PCDHGA10: variants seen among roughly 807,000 people sequenced by gnomAD.
PCDHGA10 encodes protocadherin gamma-A10.
Under a neutral mutation model 59.5 loss-of-function variants are expected in PCDHGA10, and 42 were observed. The observed-to-expected ratio is 0.71, with a 90% CI of 0.55 to 0.91. The LOEUF is 0.91. Ranked by LOEUF, PCDHGA10 falls within the 40% of genes least tolerant of loss-of-function variation. The pLI, the probability that PCDHGA10 is intolerant of heterozygous loss-of-function variation, is 0.00. For synonymous variants in PCDHGA10, 511 were observed against 517.2 expected (o/e 0.99, Z 0.16); for missense variants, 1,111 against 1,198.2 (o/e 0.93, Z 1.07).
chr5:141,417,533 A>T (rs1253836392), intron 1 of PCDHGA10: 3 of 274,888 alleles, frequency 1.1e-5, no homozygotes, highest in African/African-American at 2.2e-5. Context: ...CTCGTAGTTT[A>T]AAAAAAATTC....
chr5:141,508,077 G>T (rs1166570509), intron 3 of PCDHGA10: 1 of 152,446 alleles, frequency 6.6e-6, no homozygotes, highest in Non-Finnish European at 1.5e-5. Context: ...GGCTACTCTG[G>T]AGTTGCTGCC....
At chr5:141,466,384 T>C (rs1209046694) in intron 1 of PCDHGA10, among the ~76,000 whole-genome samples, 9 of 152,168 alleles carry the variant, frequency 5.9e-5, no homozygotes, top group Non-Finnish European at 1.3e-4. Context: ...ACCCATCTAA[T>C]GGAAAGTTTG....
Position 141,415,556 on chromosome 5 carries a change from CTT to C in PCDHGA10, c.2383_2384del (p.Leu795ValfsTer5). 6.2e-7 allele frequency: 1 copy of C among 1,614,078 alleles called. No individual in the cohort carries two copies. The highest frequency in any genetic ancestry group is 8.5e-7 in the Non-Finnish European group (1 of 1,180,018). ...CAGGAGAGCTGTGAGAAAAACGATC[CTT>C]TGTCTTTGTTAGATGATTCGAAGTT... On this transcript the variant is annotated frameshift_variant, in exon 1 of 4. Transcript: ENST00000398610. LOFTEE classifies it high-confidence loss of function.
chr5:141,460,278 G>C (rs1380767218), intron 1 of PCDHGA10, among the ~76,000 whole-genome samples: 1 of 151,964 alleles, frequency 6.6e-6, no homozygotes, highest in African/African-American at 2.4e-5. Context: ...TTCTTTTATA[G>C]TTTGTATTTC....
At chr5:141,457,878 C>A (rs1263626843) in intron 1 of PCDHGA10, among the ~76,000 whole-genome samples, 1 of 152,190 alleles carries the variant, frequency 6.6e-6, no homozygotes, top group East Asian at 1.9e-4. Context: ...GGTTAGGAAC[C>A]CTGTGTGGGG....
intron 1 of PCDHGA10, among the ~76,000 whole-genome samples, chr5:141,455,907 ATTTATTTT>A (rs1199495676): frequency 7.1e-5 from 9 of 126,872 alleles, no homozygotes; most frequent in African/African-American, 1.1e-4. Context: ...TTATTTATTT[ATTTATTTT>A]GAGACGGAGT....
At chr5:141,474,920 C>A (rs1363277892) in intron 1 of PCDHGA10, among the ~76,000 whole-genome samples, 2 of 152,232 alleles carry the variant, frequency 1.3e-5, no homozygotes, top group Admixed American at 6.5e-5. Context: ...TACATCTCAT[C>A]TCTGGCTTAT....
chr5:141,465,968 A>G (rs2099113507), intron 1 of PCDHGA10, among the ~76,000 whole-genome samples: 3 of 151,940 alleles, frequency 2.0e-5, no homozygotes, highest in Admixed American at 6.6e-5. Flanking sequence ...TAAAAATACA[A>G]AAAATTAGCC....
Position 141,476,591 on chromosome 5 carries a change from G to T in PCDHGA10, c.2437-18216G>T, listed in dbSNP as rs200254399. The T allele has an allele frequency of 6.2e-7, 1 of 1,614,230 alleles. No homozygotes were observed. The highest frequency in any genetic ancestry group is 8.5e-7 in the Non-Finnish European group (1 of 1,180,046). On this transcript the variant is annotated intron_variant, in intron 1 of 3. Transcript: ENST00000398610. The surrounding 1 kb of genome is among the most constrained non-coding windows in gnomAD (Gnocchi z 7.6). The stretch of plus-strand genomic sequence containing the variant: ...GGGGACGCGCTTTCCGCTCGAGAGC[G>T]CGCACGATCCCGATGTGGGAAGCAA...
rs1360124362 is a variant in PCDHGA10 at position 141,489,688 on chromosome 5, G to A, written c.2437-5119G>A. On this transcript the variant is annotated intron_variant, in intron 1 of 3. Coordinates refer to ENST00000398610, the MANE Select transcript of PCDHGA10 (RefSeq NM_018913.3). This position sits in a 1 kb window ranked among gnomAD's most constrained non-coding sequence, Gnocchi z 4.5. The stretch of plus-strand genomic sequence containing the variant: ...CATCTCAGAATCAGCAGCATCTGGG[G>A]CACGATTCCCACTGGACAGTGCCCA... 6.2e-7 allele frequency: 1 copy of A among 1,614,150 alleles called. No homozygotes were observed. Among genetic ancestry groups the A allele is most frequent in the Non-Finnish European group, 8.5e-7 (1 of 1,180,012 alleles).
intron 1 of PCDHGA10, among the ~76,000 whole-genome samples, chr5:141,482,981 A>T (rs1377809325): frequency 6.7e-6 from 1 of 150,250 alleles, no homozygotes; most frequent in Admixed American, 6.6e-5. Flanking sequence ...GCTACTTGAG[A>T]GGTCGAGGCA....
intron 1 of PCDHGA10, among the ~76,000 whole-genome samples, chr5:141,471,778 A>T (rs2099264151): frequency 6.6e-6 from 1 of 152,244 alleles, no homozygotes; most frequent in Non-Finnish European, 1.5e-5. Flanking sequence ...TGAGTTTGAC[A>T]TTATGCTATG....
At chr5:141,502,019 G>A (rs1454981730) in intron 2 of PCDHGA10, among the ~76,000 whole-genome samples, 1 of 152,008 alleles carries the variant, frequency 6.6e-6, no homozygotes, top group African/African-American at 2.4e-5. Flanking sequence ...TCTCCTCCCT[G>A]CAACCCCCGC....
At chr5:141,498,958 A>T (rs1200201746) in intron 2 of PCDHGA10, among the ~76,000 whole-genome samples, 2 of 123,248 alleles carry the variant, frequency 1.6e-5, no homozygotes, top group Admixed American at 1.8e-4. Flanking sequence ...AAAGAGAGAG[A>T]GGGAGGGAGG....
At chr5:141,496,838 T>C (rs182118142) in intron 2 of PCDHGA10, among the ~76,000 whole-genome samples, 39 of 150,790 alleles carry the variant, frequency 2.6e-4, no homozygotes, top group African/African-American at 8.3e-4. Flanking sequence ...CCAGAACTCA[T>C]AGGCTTCCAG....
At chr5:141,449,000 T>G (rs1424736421) in intron 1 of PCDHGA10, among the ~76,000 whole-genome samples, 1 of 151,774 alleles carries the variant, frequency 6.6e-6, no homozygotes, top group African/African-American at 2.4e-5. Context: ...TAGAAAGCTG[T>G]TTTTTTTAAC....
chr5:141,472,254 T>C (rs1031738513), intron 1 of PCDHGA10, among the ~76,000 whole-genome samples: 1 of 152,074 alleles, frequency 6.6e-6, no homozygotes, highest in Admixed American at 6.6e-5. Context: ...TTTAAAGTTA[T>C]ATTATAGCCG....
rs2099725414 is a variant in PCDHGA10, at chr5:141,491,703, GA to G, written c.2437-3103del. On this transcript the variant is annotated intron_variant, in intron 1 of 3. Coordinates refer to ENST00000398610, the MANE Select transcript of PCDHGA10 (RefSeq NM_018913.3). The surrounding 1 kb of genome is among the most constrained non-coding windows in gnomAD (Gnocchi z 6.9). ...ATACGCTGCGGGAGCGGAGCCAGGT[GA>G]GGGGCTCGGCGCCGCCCCGGGCGAC... is the stretch of plus-strand genomic sequence containing the variant. The G allele has an allele frequency of 3.7e-6, 6 of 1,611,396 alleles. No homozygotes were observed.
At chr5:141,421,841 AAG>A in intron 1 of PCDHGA10, 1 of 1,613,750 alleles carries the variant, frequency 6.2e-7, no homozygotes. Context: ...GACCGAGAGA[AAG>A]AGGCTGCTCA....
Sources: gnomAD v4.1 joint callset for allele counts (sites outside exome capture counted in the v4.1 genomes callset) on GRCh38, gnomAD v4.1.1 for gene constraint, Gnocchi (gnomAD v3.1) non-coding constraint, MANE v1.5 for transcripts, NCBI Gene and HGNC (gene_info 2026-07-23, HGNC 2026-07-21) for gene names.